Variants in SLC25A26 observed in about 807,000 individuals in gnomAD.
SLC25A26 encodes the protein mitochondrial S-adenosylmethionine carrier protein.
A neutral mutation model predicts 37.8 loss-of-function variants in SLC25A26; 36 were observed. The ratio of observed to expected loss-of-function variants is 0.95; its 90% CI spans 0.73 to 1.26. The LOEUF is 1.26. Ranked by LOEUF, SLC25A26 falls within the 50% of genes most tolerant of loss-of-function variation. The pLI is 0.00. For missense variants in SLC25A26, 390 were observed against 331.1 expected, an observed-to-expected ratio of 1.18 and a Z score of -1.38; for synonymous variants, 129 against 122.5, an observed-to-expected ratio of 1.05 and a Z score of -0.35.
chr3:66,270,547 A>T (rs578096038), intron 5 of SLC25A26, among the ~76,000 whole-genome samples: 1 of 152,210 alleles, frequency 6.6e-6, no homozygotes, highest in African/African-American at 2.4e-5. Context: ...GTAATGAGAC[A>T]TTCTTTTTGA....
chr3:66,150,611 T>G (rs1439952841), intron 1 of SLC25A26, among the ~76,000 whole-genome samples: 43 of 21,436 alleles, frequency 2.0e-3, no homozygotes, highest in Non-Finnish European at 3.2e-3. Context: ...GAGATATATA[T>G]ATATATATAT....
At chr3:66,363,265 C>T (rs1011887703) in intron 7 of SLC25A26, among the ~76,000 whole-genome samples, 7 of 152,218 alleles carry the variant, frequency 4.6e-5, no homozygotes, top group African/African-American at 1.7e-4. Flanking sequence ...GCTCACCATG[C>T]AGCTGTCTGC....
At chr3:66,363,522 T>A (rs1026411524) in intron 7 of SLC25A26, among the ~76,000 whole-genome samples, 1 of 152,242 alleles carries the variant, frequency 6.6e-6, no homozygotes, top group Non-Finnish European at 1.5e-5. Flanking sequence ...CTAAGTCATA[T>A]GAATTTTCAA....
intron 5 of SLC25A26, among the ~76,000 whole-genome samples, chr3:66,280,396 G>A (rs1354284006): frequency 6.6e-6 from 1 of 152,080 alleles, no homozygotes; most frequent in Non-Finnish European, 1.5e-5. Flanking sequence ...TGAATACCTT[G>A]TCATGATTCC....
chr3:66,140,205 T>C (rs2070013177), intron 1 of SLC25A26, among the ~76,000 whole-genome samples: 1 of 152,220 alleles, frequency 6.6e-6, no homozygotes, highest in Admixed American at 6.5e-5. Context: ...AGAGGTTCTT[T>C]GTTATTCTAG....
chr3:66,352,545 A>T (rs2076482663), intron 6 of SLC25A26, among the ~76,000 whole-genome samples: 1 of 151,420 alleles, frequency 6.6e-6, no homozygotes, highest in Non-Finnish European at 1.5e-5. Flanking sequence ...TATGTGTGAT[A>T]ATTTTTTTAA....
At chr3:66,346,462 A>G in intron 6 of SLC25A26, 54 bp downstream of exon 6, 1 of 950,300 alleles carries the variant, frequency 1.1e-6, no homozygotes, top group African/African-American at 1.8e-5. Context: ...CATACCTAAT[A>G]GTTTGAGTGT....
intron 5 of SLC25A26, among the ~76,000 whole-genome samples, chr3:66,308,305 C>G (rs537203533): frequency 2.2e-4 from 34 of 152,250 alleles, no homozygotes; most frequent in African/African-American, 7.9e-4. Flanking sequence ...CTCTGATTGT[C>G]TGTTAATGGT....
chr3:66,303,339 GA>G (rs1440011053), intron 5 of SLC25A26, among the ~76,000 whole-genome samples: 1 of 152,166 alleles, frequency 6.6e-6, no homozygotes, highest in Non-Finnish European at 1.5e-5. Context: ...AGACTTCTGG[GA>G]ACAGCTAACT....
intron 5 of SLC25A26, among the ~76,000 whole-genome samples, chr3:66,280,657 C>T (rs1483348035): frequency 1.3e-5 from 2 of 152,156 alleles, no homozygotes; most frequent in Non-Finnish European, 2.9e-5. Context: ...TGCATAGTAA[C>T]ACCACCTTTT....
intron 3 of SLC25A26, among the ~76,000 whole-genome samples, chr3:66,259,517 T>C (rs1296558550): frequency 1.3e-5 from 2 of 152,118 alleles, no homozygotes; most frequent in African/African-American, 4.8e-5. Context: ...ATGCCTATTA[T>C]CCAAACCAGA....
chr3:66,259,819 T>C (rs1237858301), intron 3 of SLC25A26, among the ~76,000 whole-genome samples: 7 of 152,144 alleles, frequency 4.6e-5, no homozygotes, highest in African/African-American at 1.7e-4. Flanking sequence ...CTTTTTCAAG[T>C]GTTCCCACTG....
At chr3:66,312,107 C>T (rs896190010) in intron 5 of SLC25A26, among the ~76,000 whole-genome samples, 5 of 152,208 alleles carry the variant, frequency 3.3e-5, no homozygotes, top group Admixed American at 3.3e-4. Flanking sequence ...CCTGTTCCCC[C>T]AGGTGCCCTG....
At chr3:66,168,119 C>A (rs2070449075) in intron 1 of SLC25A26, among the ~76,000 whole-genome samples, 1 of 96,832 alleles carries the variant, frequency 1.0e-5, no homozygotes, top group South Asian at 3.0e-4. Context: ...TGCCATCGCA[C>A]TCCAGACTGG....
chr3:66,338,631 A>G (rs970186566), intron 5 of SLC25A26, among the ~76,000 whole-genome samples: 1 of 152,012 alleles, frequency 6.6e-6, no homozygotes. Context: ...AACAGTCATT[A>G]CTATCTATTC....
intron 5 of SLC25A26, among the ~76,000 whole-genome samples, chr3:66,294,509 G>A (rs947327016): frequency 2.0e-5 from 3 of 152,080 alleles, no homozygotes; most frequent in Non-Finnish European, 1.5e-5. Flanking sequence ...AGCCTTTTCT[G>A]TGTCTATTGA....
chr3:66,196,151 T>G (rs1222893246), intron 1 of SLC25A26, among the ~76,000 whole-genome samples: 1 of 152,176 alleles, frequency 6.6e-6, no homozygotes, highest in Non-Finnish European at 1.5e-5. Flanking sequence ...CAGTCTGTTT[T>G]TTTTCTCTAG....
At chr3:66,318,848 C>G (rs1423857685) in intron 5 of SLC25A26, among the ~76,000 whole-genome samples, 1 of 152,066 alleles carries the variant, frequency 6.6e-6, no homozygotes, top group African/African-American at 2.4e-5. Flanking sequence ...TGGTATCTCT[C>G]TTTGTTGCCC....
intron 5 of SLC25A26, among the ~76,000 whole-genome samples, chr3:66,328,473 C>T (rs1311998558): frequency 6.6e-6 from 1 of 152,140 alleles, no homozygotes; most frequent in Non-Finnish European, 1.5e-5. Flanking sequence ...CATCAGCTCA[C>T]ATATTTTTAA....
Sources: allele counts gnomAD v4.1 joint callset (sites outside exome capture counted in the v4.1 genomes callset), GRCh38; gene constraint gnomAD v4.1.1; transcripts MANE v1.5; gene names NCBI Gene and HGNC (gene_info 2026-07-23, HGNC 2026-07-21).